PEX14: variants seen among roughly 807,000 people sequenced by gnomAD.
PEX14 encodes peroxisomal membrane protein PEX14.
Under a neutral mutation model 49.5 loss-of-function variants are expected in PEX14, and 15 were observed. That is an observed-to-expected ratio of 0.30 (90% CI 0.20 to 0.47). The LOEUF is 0.47. Among genes scored for constraint, PEX14 ranks in the 20% least tolerant of loss-of-function variants. The probability of loss-of-function intolerance (pLI) is 1.00; values close to 1 mark genes in which losing one functional copy is unlikely to be tolerated. For synonymous variants in PEX14, 210 were observed against 212.7 expected (o/e 0.99, Z 0.11); for missense variants, 398 against 494.8 (o/e 0.80, Z 1.86).
chr1:10,516,083 A>G (rs755065058), intron 2 of PEX14, among the ~76,000 whole-genome samples: 1 of 152,246 alleles, frequency 6.6e-6, no homozygotes. Context: ...TGTATTTGCA[A>G]TAGCAGAAAG....
intron 4 of PEX14, among the ~76,000 whole-genome samples, chr1:10,612,115 T>C (rs1227218859): frequency 6.6e-6 from 1 of 152,246 alleles, no homozygotes; most frequent in African/African-American, 2.4e-5. Context: ...AGAAGTTTTA[T>C]AGTTTTTGCT....
At position 10,630,176 on chromosome 1, in the gene PEX14, C is replaced by T. The variant is rs1445990670; in HGVS notation, c.*189C>T. On this transcript the variant is annotated 3_prime_UTR_variant, in exon 9 of 9. Transcript: ENST00000356607. This position sits in a 1 kb window ranked among gnomAD's most constrained non-coding sequence, Gnocchi z 4.1. ...CTTCTGTCCACCTGGCCTCCTCTCG[C>T]CTGGCCGCCAGCCCCAGCCCCAGCC... 2 of 911,710 alleles carry T rather than the reference C, an allele frequency of 2.2e-6. No individual in the cohort carries two copies. Among genetic ancestry groups the T allele is most frequent in the African/African-American group, 1.7e-5 (1 of 60,074 alleles). The allele number at this position is 911,710 out of a possible 1,614,324, so 56.5% of individuals were successfully genotyped here.
intron 3 of PEX14, among the ~76,000 whole-genome samples, chr1:10,562,919 C>CT (rs1553190514): frequency 1.4e-5 from 2 of 147,518 alleles, no homozygotes; most frequent in South Asian, 2.1e-4. Flanking sequence ...TCTTTCTTTT[C>CT]TTTTTTTTTA....
intron 5 of PEX14, among the ~76,000 whole-genome samples, chr1:10,622,082 C>T (rs1215754763): frequency 3.9e-5 from 6 of 152,096 alleles, no homozygotes; most frequent in Non-Finnish European, 7.4e-5. Context: ...GCACATGTTC[C>T]TACACGCAGC....
intron 2 of PEX14, among the ~76,000 whole-genome samples, chr1:10,504,760 T>C (rs937722802): frequency 2.0e-5 from 3 of 152,006 alleles, no homozygotes; most frequent in African/African-American, 7.2e-5. Flanking sequence ...CTTTCTTTCC[T>C]TTTCCTTTTC....
At chr1:10,619,404 C>T (rs933250873) in intron 5 of PEX14, among the ~76,000 whole-genome samples, 4 of 151,552 alleles carry the variant, frequency 2.6e-5, no homozygotes, top group Admixed American at 2.0e-4. Context: ...GCAAGCTCCG[C>T]CTCCTGAGTT....
At position 10,597,871 on chromosome 1, in the gene PEX14, G is replaced by A. The variant is rs936582801; in HGVS notation, c.170-1367G>A. Among the ~76,000 whole-genome samples, 1 of 152,180 alleles carries A rather than the reference G, an allele frequency of 6.6e-6. No individual in the cohort carries two copies. The highest frequency in any genetic ancestry group is 1.5e-5 in the Non-Finnish European group (1 of 68,032). On this transcript the variant is annotated intron_variant, in intron 3 of 8. Coordinates refer to ENST00000356607, the MANE Select transcript of PEX14 (RefSeq NM_004565.3). This position sits in a 1 kb window ranked among gnomAD's most constrained non-coding sequence, Gnocchi z 5.7. ...ATTTTCCTTTGACTAGCTGTGGTAG[G>A]GCATGAAAAGTTTGAGGGGTGGCTG...
chr1:10,512,013 G>T lies in PEX14; in HGVS notation c.84+16692G>T, dbSNP rs916871898. Among the ~76,000 whole-genome samples, 6 of 152,246 alleles carry T rather than the reference G, an allele frequency of 3.9e-5. No individual in the cohort carries two copies. The highest frequency in any genetic ancestry group is 1.9e-4 in the East Asian group (1 of 5,180). On this transcript the variant is annotated intron_variant, in intron 2 of 8. Transcript: ENST00000356607. This position sits in a 1 kb window ranked among gnomAD's most constrained non-coding sequence, Gnocchi z 4.6. Reference sequence around the variant, plus strand: ...CTTGCTCTGTCACCCAGGCTGGAGTGCAGTGGCATAATCTTGGCTCACTGC... The same window carrying T: ...CTTGCTCTGTCACCCAGGCTGGAGTTCAGTGGCATAATCTTGGCTCACTGC...
At chr1:10,553,106 G>A (rs998898102) in intron 3 of PEX14, among the ~76,000 whole-genome samples, 1 of 152,206 alleles carries the variant, frequency 6.6e-6, no homozygotes, top group African/African-American at 2.4e-5. Context: ...TAGCGTTTTA[G>A]AAAGCTCTCT....
intron 2 of PEX14, among the ~76,000 whole-genome samples, chr1:10,532,055 C>G (rs1638664791): frequency 6.6e-6 from 1 of 152,166 alleles, no homozygotes; most frequent in Admixed American, 6.5e-5. Flanking sequence ...TAGATAACCC[C>G]TGAGTATACT....
intron 2 of PEX14, among the ~76,000 whole-genome samples, chr1:10,510,003 G>A (rs1288140407): frequency 6.6e-6 from 1 of 152,044 alleles, no homozygotes; most frequent in Non-Finnish European, 1.5e-5. Context: ...CTCCATCACT[G>A]ACCCACCAAT....
rs754714815 is a variant in PEX14 at position 10,520,153 on chromosome 1, T to TTTTTTTTTTTTTTTTTG, written c.85-16051_85-16050insTTTTTTTGTTTTTTTTT. Among the ~76,000 whole-genome samples the TTTTTTTTTTTTTTTTTG allele has an allele frequency of 1.5e-3, 140 of 91,988 alleles. 1 individual carries two copies. The highest frequency in any genetic ancestry group is 5.3e-3 in the Middle Eastern group (1 of 190). 60.3% of individuals were successfully genotyped at this position (91,988 alleles called of 152,430 possible). On this transcript the variant is annotated intron_variant, in intron 2 of 8. Transcript: ENST00000356607. ...TTGTGCCTGGCCTTCTTCTTCTTTT[T>TTTTTTTTTTTTTTTTTG]TTTTTTTTTGTTTTTTTAACTAGAG...
chr1:10,526,972 C>T (rs1031841588), intron 2 of PEX14, among the ~76,000 whole-genome samples: 30 of 152,062 alleles, frequency 2.0e-4, no homozygotes, highest in African/African-American at 6.3e-4. Context: ...CCAGCACTTT[C>T]GGAGGCTGAG....
chr1:10,511,619 C>G (rs1437735037), intron 2 of PEX14, among the ~76,000 whole-genome samples: 1 of 152,156 alleles, frequency 6.6e-6, no homozygotes. Context: ...TCTGTGGACT[C>G]TAGAATTTAT....
intron 1 of PEX14, among the ~76,000 whole-genome samples, chr1:10,483,161 G>C (rs943411290): frequency 6.6e-6 from 1 of 152,092 alleles, no homozygotes; most frequent in Middle Eastern, 3.2e-3. Context: ...TGCTAGTATT[G>C]TTTTAAATTT....
intron 2 of PEX14, among the ~76,000 whole-genome samples, chr1:10,501,415 C>T (rs919920581): frequency 6.6e-6 from 1 of 152,184 alleles, no homozygotes; most frequent in South Asian, 2.1e-4. Flanking sequence ...ATGCCATTCT[C>T]CTGCCTCAGC....
intron 2 of PEX14, among the ~76,000 whole-genome samples, chr1:10,509,019 C>T (rs1335782549): frequency 6.6e-6 from 1 of 151,882 alleles, no homozygotes; most frequent in Non-Finnish European, 1.5e-5. Context: ...TCACTGCAAA[C>T]ACCGCCTCCT....
intron 3 of PEX14, among the ~76,000 whole-genome samples, chr1:10,568,109 AAC>A (rs1639860378): frequency 6.6e-6 from 1 of 152,186 alleles, no homozygotes; most frequent in African/African-American, 2.4e-5. Context: ...ATATGTAAAT[AAC>A]ACTCTCCCCT....
rs368165737 is a variant in PEX14 at position 10,618,280 on chromosome 1, G to T, written c.299-52G>T. The T allele has an allele frequency of 4.8e-6, 7 of 1,472,246 alleles. No homozygotes were observed. In the Admixed American group the frequency reaches 5.0e-5, roughly 11 times the overall value. 91.2% of individuals were successfully genotyped at this position (1,472,246 alleles called of 1,614,324 possible). A position where few individuals can be genotyped will look rare whatever the true frequency, so the allele number is the denominator to read the frequency against. On this transcript the variant is annotated intron_variant, in intron 4 of 8. Transcript: ENST00000356607. ...GAGGCACCTGTGCCAGCCCCCACCCGAAGAAGGACGCCATGTGCGTCTTCT... is the reference window on the plus strand; with the variant it reads ...GAGGCACCTGTGCCAGCCCCCACCCTAAGAAGGACGCCATGTGCGTCTTCT...
Sources: gnomAD v4.1 joint callset for allele counts (sites outside exome capture counted in the v4.1 genomes callset) on GRCh38, gnomAD v4.1.1 for gene constraint, Gnocchi (gnomAD v3.1) non-coding constraint, MANE v1.5 for transcripts, NCBI Gene and HGNC (gene_info 2026-07-23, HGNC 2026-07-21) for gene names.